Variants in TENM2 observed in about 807,000 individuals in gnomAD.
TENM2 encodes teneurin-2.
TENM2 carries 52 observed loss-of-function variants against 245.2 expected under a neutral mutation model. That is an observed-to-expected ratio of 0.21 (90% CI 0.17 to 0.27). TENM2 has a LOEUF of 0.27. TENM2 is among the 10% of genes least tolerant of loss of function. The probability of loss-of-function intolerance (pLI) is 1.00; values close to 1 mark genes in which losing one functional copy is unlikely to be tolerated. For synonymous variants in TENM2, 1,363 were observed against 1,438.9 expected (o/e 0.95, Z 1.19); for missense variants, 3,046 against 3,666.8 (o/e 0.83, Z 4.37).
At chr5:167,356,373 A>G (rs1280673927) in intron 1 of TENM2, among the ~76,000 whole-genome samples, 1 of 151,952 alleles carries the variant, frequency 6.6e-6, no homozygotes, top group Non-Finnish European at 1.5e-5. Context: ...CCCATGGAGG[A>G]TGTTGCATCC....
chr5:168,143,843 C>CTTTTTTT (rs70976464), intron 12 of TENM2, among the ~76,000 whole-genome samples: 10 of 102,710 alleles, frequency 9.7e-5, no homozygotes, highest in African/African-American at 1.5e-4. Flanking sequence ...TACTACACTT[C>CTTTTTTT]TTTTTTTTTT....
At chr5:167,571,638 T>TA (rs993266364) in intron 2 of TENM2, among the ~76,000 whole-genome samples, 40 of 152,166 alleles carry the variant, frequency 2.6e-4, no homozygotes, top group Non-Finnish European at 5.6e-4. Context: ...TTTGTAGCTT[T>TA]AAAAAAATCT....
chr5:167,462,175 AC>A (rs1475191708), intron 2 of TENM2, among the ~76,000 whole-genome samples: 1 of 52,900 alleles, frequency 1.9e-5, no homozygotes, highest in Non-Finnish European at 3.6e-5. Flanking sequence ...GAGTTCCCTG[AC>A]CCCCACCCCC....
chr5:167,895,321 G>A lies in TENM2; in HGVS notation c.712+19126G>A, dbSNP rs539510809. ...GGCATACATTTTGGGAAACAATAAA[G>A]TAGGAACCACCATCTGCTGAGCATT... On this transcript the variant is annotated intron_variant, in intron 3 of 28. Coordinates refer to ENST00000518659, the Ensembl canonical transcript of TENM2. 2.6e-5 allele frequency among the ~76,000 whole-genome samples: 4 copies of A among 152,072 alleles called. No individual in the cohort carries two copies. The East Asian group carries it at 5.8e-4, about 22-fold the overall frequency.
chr5:168,158,846 T>TAC (rs1186454443), intron 12 of TENM2, among the ~76,000 whole-genome samples: 59 of 85,714 alleles, frequency 6.9e-4, no homozygotes, highest in African/African-American at 2.4e-3. Flanking sequence ...TATATATATA[T>TAC]ATATACACAC....
the TENM2 span, among the ~76,000 whole-genome samples, chr5:167,012,667 G>A: frequency 1.2e-4 from 19 of 152,294 alleles, no homozygotes; most frequent in African/African-American, 4.3e-4. Context: ...ACTGCACAAA[G>A]GAACCCAACC....
intron 2 of TENM2, among the ~76,000 whole-genome samples, chr5:167,498,906 C>T (rs1768995394): frequency 6.6e-6 from 1 of 152,056 alleles, no homozygotes; most frequent in African/African-American, 2.4e-5. Flanking sequence ...AAAACATGTA[C>T]AATTGCTTGT....
rs1561775605 is a variant in TENM2 at position 167,782,312 on chromosome 5, T to TAAAAA, written c.503-93674_503-93673insAAAAA. Among the ~76,000 whole-genome samples the TAAAAA allele has an allele frequency of 2.3e-4, 5 of 21,804 alleles. 1 individual carries two copies. The highest frequency in any genetic ancestry group is 3.5e-4 in the Non-Finnish European group (5 of 14,232). The allele number at this position is 21,804 out of a possible 152,430, so 14.3% of individuals were successfully genotyped here. A position where few individuals can be genotyped will look rare whatever the true frequency, so the allele number is the denominator to read the frequency against. On this transcript the variant is annotated intron_variant, in intron 2 of 28. Transcript: ENST00000518659. ...TGGGCAACAAGAGCAAAACTCTGTC[T>TAAAAA]CAAAAAAAAAAAAAAAAAAAAAAAA...
At chr5:167,445,336 T>G (rs7712523) in intron 2 of TENM2, among the ~76,000 whole-genome samples, 43,625 of 76,538 alleles carry the variant, frequency 0.57, 12,010 homozygotes, top group East Asian at 0.79. Context: ...TATATATATA[T>G]AGAGAGAGAG....
chr5:167,342,053 T>C (rs1757742667), intron 1 of TENM2, among the ~76,000 whole-genome samples: 1 of 152,164 alleles, frequency 6.6e-6, no homozygotes, highest in South Asian at 2.1e-4. Flanking sequence ...CACACCCAAT[T>C]GTCCAGGTTG....
At chr5:167,841,341 G>A (rs1241220435) in intron 2 of TENM2, among the ~76,000 whole-genome samples, 2 of 152,192 alleles carry the variant, frequency 1.3e-5, no homozygotes, top group East Asian at 1.9e-4. Flanking sequence ...ACAGGCATGA[G>A]CTACCACACC....
the TENM2 span, among the ~76,000 whole-genome samples, chr5:167,106,971 G>A: frequency 6.6e-5 from 10 of 151,828 alleles, no homozygotes; most frequent in East Asian, 1.9e-4. Context: ...AGAGCCAGGC[G>A]CGGTGGCTCA....
At chr5:167,376,639 G>A (rs1038312700) in intron 2 of TENM2, among the ~76,000 whole-genome samples, 1 of 152,192 alleles carries the variant, frequency 6.6e-6, no homozygotes, top group East Asian at 1.9e-4. Context: ...TTATTCTACA[G>A]TGGGGACAAG....
intron 3 of TENM2, among the ~76,000 whole-genome samples, chr5:167,891,117 TA>T (rs544841870): frequency 2.6e-5 from 4 of 151,914 alleles, no homozygotes; most frequent in African/African-American, 4.8e-5. Context: ...CACATGTATT[TA>T]AAAAAAATAG....
chr5:167,471,691 A>C (rs183383685), intron 2 of TENM2, among the ~76,000 whole-genome samples: 1 of 152,228 alleles, frequency 6.6e-6, no homozygotes, highest in African/African-American at 2.4e-5. Flanking sequence ...AATGTGTCCT[A>C]TGACATTCCC....
At chr5:167,228,589 G>A in the TENM2 span, among the ~76,000 whole-genome samples, 1 of 151,278 alleles carries the variant, frequency 6.6e-6, no homozygotes, top group Non-Finnish European at 1.5e-5. Context: ...TTTTTGTTCT[G>A]ATCTGTTGCT....
chr5:167,058,806 G>T, the TENM2 span, among the ~76,000 whole-genome samples: 116 of 152,234 alleles, frequency 7.6e-4, no homozygotes, highest in South Asian at 2.3e-3. Context: ...AAGGAAAAGA[G>T]AAAGTGCACA....
chr5:167,046,448 C>T, the TENM2 span, among the ~76,000 whole-genome samples: 2 of 152,086 alleles, frequency 1.3e-5, no homozygotes, highest in East Asian at 3.9e-4. Flanking sequence ...TGAAAATTAC[C>T]ATCCAAAAAT....
the TENM2 span, among the ~76,000 whole-genome samples, chr5:167,169,420 T>C: frequency 6.6e-6 from 1 of 152,220 alleles, no homozygotes; most frequent in Non-Finnish European, 1.5e-5. Flanking sequence ...TTATAGGTCC[T>C]AGGGCCTAAC....
Sources: gnomAD v4.1 joint callset for allele counts (sites outside exome capture counted in the v4.1 genomes callset) on GRCh38, gnomAD v4.1.1 for gene constraint, MANE v1.5 for transcripts, NCBI Gene and HGNC (gene_info 2026-07-23, HGNC 2026-07-21) for gene names.